The following BOC variants were observed in gnomAD, a reference collection of about 807,000 sequenced individuals.
BOC encodes the protein BOC cell adhesion associated, oncogene regulated.
BOC carries 76 observed loss-of-function variants against 112.0 expected under a neutral mutation model. The ratio of observed to expected loss-of-function variants is 0.68; its 90% CI spans 0.56 to 0.82. The LOEUF is 0.82. Ranked by LOEUF, BOC falls within the 40% of genes least tolerant of loss-of-function variation. BOC has a pLI of 0.00. For synonymous variants in BOC, 580 were observed against 599.8 expected (o/e 0.97, Z 0.48); for missense variants, 1,309 against 1,511.7 (o/e 0.87, Z 2.22).
At position 113,272,235 on chromosome 3, in the gene BOC, A is replaced by G. The variant is rs935921225; in HGVS notation, c.668-175A>G. 1.6e-5 allele frequency: 11 copies of G among 670,710 alleles called. No homozygotes were observed. The South Asian group carries it at 2.0e-4, about 12-fold the overall frequency. 41.5% of individuals were successfully genotyped at this position (670,710 alleles called of 1,614,324 possible). A position where few individuals can be genotyped will look rare whatever the true frequency, so the allele number is the denominator to read the frequency against. On this transcript the variant is annotated intron_variant, in intron 6 of 19. Coordinates refer to ENST00000682979, the MANE Select transcript of BOC (RefSeq NM_001378074.1). Reference sequence around the variant, plus strand: ...CCTGCAGAAGCAGTCCTTGTTTCTGATAAGGACACCAAGCCCCAAGGGAAT... The same window carrying G: ...CCTGCAGAAGCAGTCCTTGTTTCTGGTAAGGACACCAAGCCCCAAGGGAAT...
Position 113,280,773 on chromosome 3 carries a change from G to T in BOC, c.2311+110G>T, listed in dbSNP as rs1949117471. ...TGAAGCATAAACCTGCATCTGGTGT[G>T]ACACGAAGCTCTAAGCTCCGTGTCA... On this transcript the variant is annotated intron_variant, in intron 14 of 19. Transcript: ENST00000682979. The T allele has an allele frequency of 4.2e-6, 4 of 958,236 alleles. No individual in the cohort carries two copies. In the South Asian group the frequency reaches 5.7e-5, roughly 14 times the overall value. The allele number at this position is 958,236 out of a possible 1,614,324, so 59.4% of individuals were successfully genotyped here.
chr3:113,275,209 T>C (rs75759956), intron 9 of BOC, among the ~76,000 whole-genome samples: 4 of 152,258 alleles, frequency 2.6e-5, no homozygotes, highest in Non-Finnish European at 4.4e-5. Context: ...GAATCTGTCA[T>C]GGCTTGGGTT....
intron 8 of BOC, among the ~76,000 whole-genome samples, chr3:113,273,744 G>A (rs1282744302): frequency 6.6e-6 from 1 of 152,172 alleles, no homozygotes. Flanking sequence ...CTATGGAGAC[G>A]AAACTTACCA....
chr3:113,261,484 G>A (rs927165956), intron 4 of BOC, among the ~76,000 whole-genome samples: 2 of 152,084 alleles, frequency 1.3e-5, no homozygotes, highest in African/African-American at 4.8e-5. Flanking sequence ...CTACCTCAGA[G>A]CGGCCCTGAA....
chr3:113,286,607 C>A, intron 19 of BOC, 68 bp from the exon 20 acceptor site: 1 of 1,327,272 alleles, frequency 7.5e-7, no homozygotes, highest in Non-Finnish European at 1.0e-6. Context: ...GAGATTGGCC[C>A]AGTGTCACTG....
At position 113,252,622 on chromosome 3, in the gene BOC, G is replaced by A. The variant is rs552422096; in HGVS notation, c.376+1789G>A. On this transcript the variant is annotated intron_variant, in intron 4 of 19. Coordinates refer to ENST00000682979, the MANE Select transcript of BOC (RefSeq NM_001378074.1). ...TCACTCTGTGGGTCAGTGGAATGGA[G>A]GCTGCCAGGATTCCTCTTTTCTTGG... Among the ~76,000 whole-genome samples the A allele has an allele frequency of 2.0e-5, 3 of 152,306 alleles. No individual in the cohort carries two copies. The East Asian group carries it at 5.8e-4, about 29-fold the overall frequency.
At chr3:113,253,228 T>C (rs971910668) in intron 4 of BOC, among the ~76,000 whole-genome samples, 1 of 152,178 alleles carries the variant, frequency 6.6e-6, no homozygotes, top group Non-Finnish European at 1.5e-5. Flanking sequence ...ATAAGCATTC[T>C]CCATTGGCCA....
intron 5 of BOC, chr3:113,269,259 C>T: frequency 6.6e-6 from 1 of 152,352 alleles, no homozygotes; most frequent in Non-Finnish European, 1.5e-5. Flanking sequence ...GCTCCATGCT[C>T]AAGCCACAGT....
At chr3:113,246,433 C>T (rs1481966144) in intron 2 of BOC, among the ~76,000 whole-genome samples, 1 of 152,146 alleles carries the variant, frequency 6.6e-6, no homozygotes, top group Non-Finnish European at 1.5e-5. Flanking sequence ...AATGGGACAA[C>T]GTTACACTGC....
intron 1 of BOC, 48 bp from the exon 2 acceptor site, chr3:113,216,139 G>C (rs767019468): frequency 4.6e-6 from 2 of 437,436 alleles, no homozygotes; most frequent in South Asian, 1.6e-5. Context: ...AAATACTTCA[G>C]AACTGTTTAT....
chr3:113,255,929 G>T (rs951107899), intron 4 of BOC, among the ~76,000 whole-genome samples: 1 of 152,180 alleles, frequency 6.6e-6, no homozygotes, highest in East Asian at 1.9e-4. Flanking sequence ...TTAAATTCTG[G>T]GTTTAAGCCT....
intron 2 of BOC, among the ~76,000 whole-genome samples, chr3:113,235,858 G>A (rs1389824645): frequency 1.3e-5 from 2 of 152,136 alleles, no homozygotes; most frequent in Non-Finnish European, 2.9e-5. Flanking sequence ...GCTTAATTTT[G>A]TATAGGAAAG....
At chr3:113,265,366 A>G (rs1947356650) in intron 4 of BOC, among the ~76,000 whole-genome samples, 1 of 152,202 alleles carries the variant, frequency 6.6e-6, no homozygotes, top group East Asian at 1.9e-4. Context: ...AGGAAAAAAA[A>G]AAAAGAAACC....
chr3:113,244,805 T>TCC (rs1239723288), intron 2 of BOC, among the ~76,000 whole-genome samples: 1 of 152,202 alleles, frequency 6.6e-6, no homozygotes, highest in East Asian at 1.9e-4. Flanking sequence ...TAGATAATGA[T>TCC]CCAGGTAACA....
chr3:113,271,262 G>T, intron 6 of BOC: 1 of 532,812 alleles, frequency 1.9e-6, no homozygotes, highest in South Asian at 1.5e-5. Context: ...GGTGGGTCTT[G>T]TCTCAAGCTC....
rs138090840 is a variant in BOC at position 113,263,230 on chromosome 3, C to T, written c.377-5069C>T. ...TGCTAAGTCATCCTGGCAGCATTGC[C>T]ACATGAGCCCCATGCGGTGCCCCGT... On this transcript the variant is annotated intron_variant, in intron 4 of 19. Transcript: ENST00000682979. 2.7e-3 allele frequency among the ~76,000 whole-genome samples: 409 copies of T among 152,330 alleles called. 2 individuals are homozygous for T. The highest frequency in any genetic ancestry group is 5.0e-3 in the Non-Finnish European group (342 of 68,026).
chr3:113,244,383 A>G (rs1944655123), intron 2 of BOC, among the ~76,000 whole-genome samples: 1 of 152,228 alleles, frequency 6.6e-6, no homozygotes, highest in South Asian at 2.1e-4. Flanking sequence ...TGGATGAGGA[A>G]TAAGGTAAAA....
At chr3:113,261,473 C>T (rs574402015) in intron 4 of BOC, among the ~76,000 whole-genome samples, 2 of 152,250 alleles carry the variant, frequency 1.3e-5, no homozygotes, top group South Asian at 4.1e-4. Context: ...GCTAACCAGC[C>T]CTACCTCAGA....
chr3:113,276,387 T>G (rs1229392022), intron 9 of BOC, among the ~76,000 whole-genome samples: 1 of 151,788 alleles, frequency 6.6e-6, no homozygotes, highest in Non-Finnish European at 1.5e-5. Context: ...GTGAGGCCAG[T>G]GCTGGGAGGG....
Sources: gnomAD v4.1 joint callset for allele counts (sites outside exome capture counted in the v4.1 genomes callset) on GRCh38, gnomAD v4.1.1 for gene constraint, MANE v1.5 for transcripts, NCBI Gene and HGNC (gene_info 2026-07-23, HGNC 2026-07-21) for gene names.